Variants in ZNF26 observed in about 807,000 individuals in gnomAD.
The protein encoded by ZNF26 is zinc finger protein 26.
In ZNF26, 32 loss-of-function variants were observed where a neutral mutation model predicts 54.9. That is an observed-to-expected ratio of 0.58 (90% CI 0.44 to 0.78). The LOEUF is 0.78. Ranked by LOEUF, ZNF26 falls within the 30% of genes least tolerant of loss-of-function variation. The pLI is 0.00. For missense variants in ZNF26, 524 were observed against 634.0 expected (o/e 0.83, Z 1.86); for synonymous variants, 221 against 209.2 (o/e 1.06, Z -0.49).
chr12:133,000,812 G>C (rs1046825017), intron 1 of ZNF26, among the ~76,000 whole-genome samples: 5 of 152,140 alleles, frequency 3.3e-5, no homozygotes, highest in African/African-American at 1.2e-4. Context: ...ACCCACCTCT[G>C]CCTCCCAAAG....
At chr12:133,005,519 A>G (rs1487410109) in intron 1 of ZNF26, 1 of 152,180 alleles carries the variant, frequency 6.6e-6, no homozygotes, top group Non-Finnish European at 1.5e-5. Context: ...TTTGTAGTCT[A>G]GCTCTTACCT....
At chr12:133,000,332 G>A (rs10870562) in intron 1 of ZNF26, among the ~76,000 whole-genome samples, 2,464 of 150,986 alleles carry the variant, frequency 0.016, 73 homozygotes, top group African/African-American at 0.056. Context: ...GCTCACTGCA[G>A]CCTTCACCTC....
At chr12:133,004,542 G>A (rs1489365144) in intron 1 of ZNF26, 1 of 151,992 alleles carries the variant, frequency 6.6e-6, no homozygotes, top group Non-Finnish European at 1.5e-5. Context: ...GTAAAGTGCA[G>A]TGGCATAGTC....
rs1953610056 is a variant in ZNF26, at chr12:133,019,433, A to G, written c.*7952A>G. The G allele has an allele frequency of 6.6e-6, 1 of 152,246 alleles. No individual in the cohort carries two copies. The highest frequency in any genetic ancestry group is 2.4e-5 in the African/African-American group (1 of 41,462). 9.4% of individuals were successfully genotyped at this position (152,246 alleles called of 1,614,324 possible). ...AGATCCAAACAGACGTTTCTCAGAG[A>G]AGACATGCAAATGTCTAACAGGTAT... On this transcript the variant is annotated 3_prime_UTR_variant, in exon 4 of 4. Coordinates refer to ENST00000328654, the MANE Select transcript of ZNF26 (RefSeq NM_019591.4).
chr12:133,019,254 A>G lies in ZNF26; in HGVS notation c.*7773A>G, dbSNP rs1295320466. 6.6e-6 allele frequency: 1 copy of G among 152,180 alleles called. No homozygotes were observed. The highest frequency in any genetic ancestry group is 2.4e-5 in the African/African-American group (1 of 41,448). The allele number at this position is 152,180 out of a possible 1,614,324, so 9.4% of individuals were successfully genotyped here. A position where few individuals can be genotyped will look rare whatever the true frequency, so the allele number is the denominator to read the frequency against. ...AAATAACAAAATAAAGAGACAACCC[A>G]CAGATTGGGAGAAAATATTTGCAAA... is the stretch of plus-strand genomic sequence containing the variant. On this transcript the variant is annotated 3_prime_UTR_variant, in exon 4 of 4. Coordinates refer to ENST00000328654, the MANE Select transcript of ZNF26 (RefSeq NM_019591.4).
intron 1 of ZNF26, among the ~76,000 whole-genome samples, chr12:132,993,027 C>CTTTTTTTTTT (rs71079156): frequency 1.2e-4 from 15 of 129,430 alleles, no homozygotes; most frequent in Non-Finnish European, 1.8e-4. Flanking sequence ...ACTAGTATTT[C>CTTTTTTTTTT]TTTTTTTTTT....
In ZNF26 at chr12:133,010,264, A is replaced by C. The variant is rs1953439465; in HGVS notation, c.385A>C (p.Asn129His). The C allele has an allele frequency of 6.2e-7, 1 of 1,613,966 alleles. No homozygotes were observed. Among genetic ancestry groups the C allele is most frequent in the South Asian group, 1.1e-5 (1 of 91,090 alleles). The change falls in exon 4 of 4, where the codon AAC becomes CAC. Residue 129 changes from asparagine (N) to histidine (H), a missense_variant. Coordinates refer to ENST00000328654, the MANE Select transcript of ZNF26 (RefSeq NM_019591.4). Reference sequence around the variant, plus strand: ...TGATTCTTCAAGACAGAGACTCTATAACACACGTGGAAAAAGTTTGACACA... The same window carrying C: ...TGATTCTTCAAGACAGAGACTCTATCACACACGTGGAAAAAGTTTGACACA... The part of the protein sequence containing the change: ...THDSSRQRLY[N>H]TRGKSLTQNS...
chr12:133,010,489 T>C lies in ZNF26; in HGVS notation c.610T>C (p.Cys204Arg). 1 of 1,614,156 alleles carries C rather than the reference T, an allele frequency of 6.2e-7. No individual in the cohort carries two copies. Among genetic ancestry groups the C allele is most frequent in the Non-Finnish European group, 8.5e-7 (1 of 1,180,022 alleles). The change falls in exon 4 of 4, where the codon TGC becomes CGC. Residue 204 changes from cysteine (C) to arginine (R), a missense_variant. By Grantham distance (180) the Cys-to-Arg change is radical (BLOSUM62 -3). Transcript: ENST00000328654. ...TCATACAGGAGAGAGACCTTATGAA[T>C]GCAGTAAATGTGAAAGAGCCTTCAG... ...RIHTGERPYECSKCERAFSAK... is the reference protein window; with the variant it reads ...RIHTGERPYERSKCERAFSAK...
chr12:132,988,879 A>G (rs1952884873), intron 1 of ZNF26, among the ~76,000 whole-genome samples: 1 of 152,030 alleles, frequency 6.6e-6, no homozygotes, highest in African/African-American at 2.4e-5. Context: ...TAAGTATTTA[A>G]TTTTTGTGGG....
In ZNF26 at chr12:133,017,873, G is replaced by T. The variant is rs997812906; in HGVS notation, c.*6392G>T. On this transcript the variant is annotated 3_prime_UTR_variant, in exon 4 of 4. Transcript: ENST00000328654. The stretch of plus-strand genomic sequence containing the variant: ...AAACACAAAAAATTAGCGGGGCGTG[G>T]TGGCGGGCGCCTGTAGTCCCAGCTA... 6.6e-6 allele frequency: 1 copy of T among 152,212 alleles called. No individual in the cohort carries two copies. Among genetic ancestry groups the T allele is most frequent in the Non-Finnish European group, 1.5e-5 (1 of 68,104 alleles). The allele number at this position is 152,212 out of a possible 1,614,324, so 9.4% of individuals were successfully genotyped here.
At position 133,022,654 on chromosome 12, in the gene ZNF26, TAAAAC is replaced by T. The variant is rs1297059207; in HGVS notation, c.*11178_*11182del. The T allele has an allele frequency of 1.3e-5, 2 of 151,548 alleles. No individual in the cohort carries two copies. Among genetic ancestry groups the T allele is most frequent in the Admixed American group, 6.6e-5 (1 of 15,264 alleles). The allele number at this position is 151,548 out of a possible 1,614,324, so 9.4% of individuals were successfully genotyped here. On this transcript the variant is annotated 3_prime_UTR_variant, in exon 4 of 4. Coordinates refer to ENST00000328654, the MANE Select transcript of ZNF26 (RefSeq NM_019591.4). ...GAAACTATCTCAATACAAATTTAAT[TAAAAC>T]AAAATAAATCTGATAAAGATGTAAA...
Position 133,001,626 on chromosome 12 carries a change from C to T in ZNF26, c.34-5416C>T, listed in dbSNP as rs1953221295. On this transcript the variant is annotated intron_variant, in intron 1 of 3. Transcript: ENST00000328654. This position sits in a 1 kb window ranked among gnomAD's most constrained non-coding sequence, Gnocchi z 4.7. Reference sequence around the variant, plus strand: ...TGCCTCTTCCCCTGGGGTCTCCCTCCCTGCAGGTAGTGCTGCTGAGGAGGA... The same window carrying T: ...TGCCTCTTCCCCTGGGGTCTCCCTCTCTGCAGGTAGTGCTGCTGAGGAGGA... The T allele has an allele frequency of 2.3e-6, 3 of 1,287,812 alleles. No individual in the cohort carries two copies. The highest frequency in any genetic ancestry group is 3.0e-6 in the Non-Finnish European group (3 of 987,526). The allele number at this position is 1,287,812 out of a possible 1,614,324, so 79.8% of individuals were successfully genotyped here. A position where few individuals can be genotyped will look rare whatever the true frequency, so the allele number is the denominator to read the frequency against.
intron 1 of ZNF26, among the ~76,000 whole-genome samples, chr12:133,002,225 C>T (rs1174634257): frequency 1.3e-5 from 2 of 152,148 alleles, no homozygotes; most frequent in East Asian, 1.9e-4. Context: ...TTGGTGTCCT[C>T]CTGGCCCCCC....
At position 133,017,587 on chromosome 12, in the gene ZNF26, C is replaced by G. The variant is rs999381870; in HGVS notation, c.*6106C>G. Reference sequence around the variant, plus strand: ...AGTGATCAGTTTGGAGACTGAAGAGCAACAGTCTGAGGAATGACCCCAGGC... The same window carrying G: ...AGTGATCAGTTTGGAGACTGAAGAGGAACAGTCTGAGGAATGACCCCAGGC... On this transcript the variant is annotated 3_prime_UTR_variant, in exon 4 of 4. Transcript: ENST00000328654. 3.9e-5 allele frequency: 6 copies of G among 152,150 alleles called. No individual in the cohort carries two copies. The highest frequency in any genetic ancestry group is 1.4e-4 in the African/African-American group (6 of 41,410). The allele number at this position is 152,150 out of a possible 1,614,324, so 9.4% of individuals were successfully genotyped here. A position where few individuals can be genotyped will look rare whatever the true frequency, so the allele number is the denominator to read the frequency against.
At chr12:133,006,774 T>C (rs2137251089) in intron 1 of ZNF26, 2 of 327,174 alleles carry the variant, frequency 6.1e-6, no homozygotes, top group South Asian at 8.2e-5. Context: ...TTTGTATTTT[T>C]AGTAGAGACA....
chr12:132,986,403 G>A lies in ZNF26; in HGVS notation c.-438G>A, dbSNP rs1952817984. On this transcript the variant is annotated 5_prime_UTR_variant, in exon 1 of 4. Transcript: ENST00000328654. ...TAGTCGGGTGCGCGCGTGCAGGGCT[G>A]TTTCCGGCTTAGACTCAGTGGACCG... 5.8e-6 allele frequency: 1 copy of A among 172,172 alleles called. No individual in the cohort carries two copies. The highest frequency in any genetic ancestry group is 6.1e-5 in the Admixed American group (1 of 16,370). 10.7% of individuals were successfully genotyped at this position (172,172 alleles called of 1,614,324 possible). A position where few individuals can be genotyped will look rare whatever the true frequency, so the allele number is the denominator to read the frequency against.
At chr12:132,999,692 GA>G (rs1289603353) in intron 1 of ZNF26, among the ~76,000 whole-genome samples, 6 of 151,106 alleles carry the variant, frequency 4.0e-5, no homozygotes, top group African/African-American at 9.7e-5. Flanking sequence ...TGAAAGTGTT[GA>G]AAAAAAAATT....
chr12:132,987,141 A>G (rs1465635735), intron 1 of ZNF26, among the ~76,000 whole-genome samples: 1 of 152,118 alleles, frequency 6.6e-6, no homozygotes, highest in Non-Finnish European at 1.5e-5. Flanking sequence ...ATCCTCCATC[A>G]TTTCATGTTT....
Position 133,001,301 on chromosome 12 carries a change from C to G in ZNF26, c.34-5741C>G, listed in dbSNP as rs1953214119. Among the ~76,000 whole-genome samples the G allele has an allele frequency of 6.6e-6, 1 of 152,174 alleles. No homozygotes were observed. The highest frequency in any genetic ancestry group is 1.5e-5 in the Non-Finnish European group (1 of 68,032). Reference sequence around the variant, plus strand: ...GGAAAGTTCAGTCCACACTCTCACTCCAAGCTCTTGTACCTCCCCTCATTC... The same window carrying G: ...GGAAAGTTCAGTCCACACTCTCACTGCAAGCTCTTGTACCTCCCCTCATTC... On this transcript the variant is annotated intron_variant, in intron 1 of 3. Transcript: ENST00000328654. The surrounding 1 kb of genome is among the most constrained non-coding windows in gnomAD (Gnocchi z 4.7).
Sources: allele counts gnomAD v4.1 joint callset (sites outside exome capture counted in the v4.1 genomes callset), GRCh38; gene constraint gnomAD v4.1.1; non-coding constraint Gnocchi (gnomAD v3.1); transcripts MANE v1.5; gene names NCBI Gene and HGNC (gene_info 2026-07-23, HGNC 2026-07-21).